Variants in ELMO1 observed in about 807,000 individuals in gnomAD.
ELMO1 encodes engulfment and cell motility 1.
Under a neutral mutation model 98.9 loss-of-function variants are expected in ELMO1, and 26 were observed. That is an observed-to-expected ratio of 0.26 (90% CI 0.19 to 0.36). The LOEUF is 0.36. Ranked by LOEUF, ELMO1 falls within the 10% of genes least tolerant of loss-of-function variation. The pLI, the probability that ELMO1 is intolerant of heterozygous loss-of-function variation, is 1.00. For missense variants in ELMO1, 627 were observed against 935.2 expected, an observed-to-expected ratio of 0.67 and a Z score of 4.30; for synonymous variants, 346 against 346.0, an observed-to-expected ratio of 1.00 and a Z score of 0.00.
intron 13 of ELMO1, among the ~76,000 whole-genome samples, chr7:37,167,717 C>G (rs1472113589): frequency 6.6e-6 from 1 of 152,232 alleles, no homozygotes; most frequent in Non-Finnish European, 1.5e-5. Context: ...AGCTGTTAGT[C>G]TGATGGGCTT....
intron 16 of ELMO1, among the ~76,000 whole-genome samples, chr7:36,929,321 A>T (rs545947062): frequency 6.6e-6 from 1 of 152,304 alleles, no homozygotes; most frequent in South Asian, 2.1e-4. Context: ...TTAGTTCCCT[A>T]GGGTCACTCC....
chr7:37,088,553 A>G (rs1025446659), intron 15 of ELMO1, among the ~76,000 whole-genome samples: 2 of 152,230 alleles, frequency 1.3e-5, no homozygotes, highest in African/African-American at 4.8e-5. Context: ...AATGATGACG[A>G]TCATGACTGA....
intron 18 of ELMO1, among the ~76,000 whole-genome samples, chr7:36,883,146 C>T (rs1005219159): frequency 3.9e-5 from 6 of 152,068 alleles, no homozygotes; most frequent in Non-Finnish European, 8.8e-5. Flanking sequence ...GTGGTAGGTA[C>T]GCATTTTGCC....
chr7:37,054,339 C>T (rs1437237074), intron 15 of ELMO1, among the ~76,000 whole-genome samples: 1 of 152,164 alleles, frequency 6.6e-6, no homozygotes, highest in East Asian at 1.9e-4. Flanking sequence ...ATGACATTCA[C>T]CCTCAGCCCC....
intron 1 of ELMO1, among the ~76,000 whole-genome samples, chr7:37,400,096 G>C (rs1803460478): frequency 1.3e-5 from 2 of 152,208 alleles, no homozygotes; most frequent in South Asian, 4.1e-4. Flanking sequence ...ATGTGTCACT[G>C]TCTTCACAGC....
intron 15 of ELMO1, among the ~76,000 whole-genome samples, chr7:37,060,148 G>A (rs1796592668): frequency 6.6e-6 from 1 of 152,178 alleles, no homozygotes; most frequent in Non-Finnish European, 1.5e-5. Flanking sequence ...AACTTGTCAG[G>A]TGTCACAGAA....
chr7:36,935,067 C>T (rs1434410336), intron 16 of ELMO1, among the ~76,000 whole-genome samples: 1 of 152,188 alleles, frequency 6.6e-6, no homozygotes, highest in Non-Finnish European at 1.5e-5. Flanking sequence ...CACCCAAACC[C>T]CATCTCGAAT....
chr7:37,221,604 C>T (rs892665372), intron 10 of ELMO1, among the ~76,000 whole-genome samples: 7 of 152,164 alleles, frequency 4.6e-5, no homozygotes, highest in African/African-American at 1.4e-4. Context: ...TGTAATGCTC[C>T]TTTCCTTCGT....
At chr7:37,141,820 C>G (rs77544450) in intron 13 of ELMO1, among the ~76,000 whole-genome samples, 14,244 of 152,138 alleles carry the variant, frequency 0.094, 697 homozygotes, top group Middle Eastern at 0.15. Flanking sequence ...ATCAAACAAC[C>G]CACACTTTTC....
chr7:37,068,139 A>G (rs1019655131), intron 15 of ELMO1, among the ~76,000 whole-genome samples: 1 of 152,106 alleles, frequency 6.6e-6, no homozygotes, highest in East Asian at 1.9e-4. Flanking sequence ...GACACATGGG[A>G]AAGTTCACAT....
At chr7:37,116,221 T>C (rs1584668353) in intron 14 of ELMO1, among the ~76,000 whole-genome samples, 2 of 152,006 alleles carry the variant, frequency 1.3e-5, no homozygotes, top group Admixed American at 6.6e-5. Flanking sequence ...GGAGAAGAAA[T>C]AGCGAAACCC....
chr7:36,994,478 G>A (rs1792071075), intron 16 of ELMO1, among the ~76,000 whole-genome samples: 1 of 152,172 alleles, frequency 6.6e-6, no homozygotes, highest in South Asian at 2.1e-4. Context: ...AAATCCTACT[G>A]CAAACCTTAA....
intron 7 of ELMO1, among the ~76,000 whole-genome samples, chr7:37,237,863 C>A (rs761688983): frequency 2.6e-5 from 4 of 152,188 alleles, no homozygotes; most frequent in Non-Finnish European, 4.4e-5. Flanking sequence ...AATTTCAGTG[C>A]AGGTTGATTC....
At chr7:37,113,124 G>A (rs867884428) in intron 14 of ELMO1, among the ~76,000 whole-genome samples, 7 of 152,384 alleles carry the variant, frequency 4.6e-5, no homozygotes, top group Middle Eastern at 3.4e-3. Flanking sequence ...TGCATCCAGA[G>A]AGGTTAGAGC....
intron 7 of ELMO1, among the ~76,000 whole-genome samples, chr7:37,242,248 G>A (rs1794799264): frequency 6.6e-5 from 10 of 152,076 alleles, no homozygotes. Context: ...ACCTCATACA[G>A]TAAAATTTTC....
At chr7:37,369,645 TAAGC>T (rs1802034806) in intron 1 of ELMO1, among the ~76,000 whole-genome samples, 1 of 144,382 alleles carries the variant, frequency 6.9e-6, no homozygotes, top group African/African-American at 2.6e-5. Context: ...AAGGATTTCT[TAAGC>T]AAGCTATATA....
intron 21 of ELMO1, among the ~76,000 whole-genome samples, chr7:36,857,641 C>T (rs1180461839): frequency 6.6e-6 from 1 of 152,134 alleles, no homozygotes; most frequent in East Asian, 1.9e-4. Flanking sequence ...CCCTGTAGTA[C>T]TGATACTGAA....
At chr7:37,088,113 A>G (rs1427840086) in intron 15 of ELMO1, among the ~76,000 whole-genome samples, 1 of 152,222 alleles carries the variant, frequency 6.6e-6, no homozygotes, top group Non-Finnish European at 1.5e-5. Flanking sequence ...CTAAGAGACA[A>G]CAGGAATGGA....
intron 16 of ELMO1, among the ~76,000 whole-genome samples, chr7:36,968,344 A>G (rs1276099735): frequency 6.6e-6 from 1 of 152,224 alleles, no homozygotes; most frequent in Non-Finnish European, 1.5e-5. Flanking sequence ...GAAAATTTTA[A>G]GTTCTTAATA....
Sources: gnomAD v4.1 joint callset for allele counts (sites outside exome capture counted in the v4.1 genomes callset) on GRCh38, gnomAD v4.1.1 for gene constraint, MANE v1.5 for transcripts, NCBI Gene and HGNC (gene_info 2026-07-23, HGNC 2026-07-21) for gene names.